The following RNF220 variants were observed in gnomAD, a reference collection of about 807,000 sequenced individuals.
RNF220 encodes ring finger protein 220.
RNF220 carries 7 observed loss-of-function variants against 67.1 expected under a neutral mutation model. The observed-to-expected ratio is 0.10, with a 90% CI of 0.06 to 0.20. The LOEUF (loss-of-function observed/expected upper bound fraction) is 0.20. Among genes scored for constraint, RNF220 ranks in the 10% least tolerant of loss-of-function variants. The pLI, the probability that RNF220 is intolerant of heterozygous loss-of-function variation, is 1.00. For synonymous variants in RNF220, 270 were observed against 283.2 expected (o/e 0.95, Z 0.47); for missense variants, 565 against 740.3 (o/e 0.76, Z 2.75).
chr1:44,636,261 A>G, intron 8 of RNF220, 99 bp downstream of exon 8: 1 of 1,503,022 alleles, frequency 6.7e-7, no homozygotes, highest in Middle Eastern at 1.8e-4. Context: ...GTGGCTGGTC[A>G]TCCATCCGTT....
At chr1:44,522,739 AT>A (rs879653918) in intron 2 of RNF220, among the ~76,000 whole-genome samples, 13 of 152,264 alleles carry the variant, frequency 8.5e-5, no homozygotes, top group Admixed American at 5.2e-4. Context: ...TAGTATACCC[AT>A]TTTGGAAAGT....
intron 2 of RNF220, among the ~76,000 whole-genome samples, chr1:44,570,092 G>A (rs1377883337): frequency 1.1e-4 from 17 of 152,166 alleles, no homozygotes; most frequent in Admixed American, 1.0e-3. Context: ...GAATGGAAGC[G>A]ATGGGTATAT....
intron 2 of RNF220, among the ~76,000 whole-genome samples, chr1:44,595,448 G>T (rs375437089): frequency 2.2e-4 from 33 of 152,356 alleles, no homozygotes; most frequent in African/African-American, 7.2e-4. Flanking sequence ...GGACAGACTA[G>T]GGGAGCAGGT....
At chr1:44,596,064 G>A (rs891743171) in intron 2 of RNF220, among the ~76,000 whole-genome samples, 7 of 152,254 alleles carry the variant, frequency 4.6e-5, no homozygotes, top group South Asian at 2.1e-4. Flanking sequence ...ATGCCTGGCC[G>A]ATGAGCAAAG....
chr1:44,484,594 T>C (rs1656117053), intron 2 of RNF220, among the ~76,000 whole-genome samples: 1 of 152,060 alleles, frequency 6.6e-6, no homozygotes, highest in Non-Finnish European at 1.5e-5. Context: ...GAAAGGAGGC[T>C]GGGCACCAGG....
intron 2 of RNF220, among the ~76,000 whole-genome samples, chr1:44,609,005 T>A (rs1283054716): frequency 6.6e-6 from 1 of 152,198 alleles, no homozygotes; most frequent in Non-Finnish European, 1.5e-5. Flanking sequence ...GATATCATTA[T>A]CCCCATTTCA....
intron 2 of RNF220, among the ~76,000 whole-genome samples, chr1:44,525,359 G>A (rs12124022): frequency 6.6e-6 from 1 of 152,072 alleles, no homozygotes; most frequent in Non-Finnish European, 1.5e-5. Context: ...CGTCCTGCAC[G>A]CCTAGCACAG....
At chr1:44,470,805 A>T (rs1654737962) in intron 2 of RNF220, among the ~76,000 whole-genome samples, 1 of 151,918 alleles carries the variant, frequency 6.6e-6, no homozygotes. Flanking sequence ...CATCCTCCTC[A>T]TTTACTTTCC....
rs369357360 is a variant in RNF220 at position 44,632,402 on chromosome 1, C to G, written c.949+17C>G. The G allele has an allele frequency of 6.8e-6, 11 of 1,607,388 alleles. No homozygotes were observed. In the African/African-American group the frequency reaches 1.2e-4, roughly 18 times the overall value. On this transcript the variant is annotated intron_variant, in intron 6 of 14. Coordinates refer to ENST00000361799, the MANE Select transcript of RNF220 (RefSeq NM_018150.4). The stretch of plus-strand genomic sequence containing the variant: ...GACTGAATGGTGAGTCCTGCCCGGC[C>G]CCTCCCTCCGCCCCACCCCCGGCCT...
chr1:44,428,644 AC>A (rs1231541494), intron 2 of RNF220, among the ~76,000 whole-genome samples: 1 of 151,456 alleles, frequency 6.6e-6, no homozygotes, highest in Non-Finnish European at 1.5e-5. Flanking sequence ...ATGCTCACAA[AC>A]CCCCAAACTG....
At chr1:44,586,021 A>G (rs192696391) in intron 2 of RNF220, among the ~76,000 whole-genome samples, 23 of 152,096 alleles carry the variant, frequency 1.5e-4, no homozygotes, top group Admixed American at 1.4e-3. Context: ...CTCCACCCCC[A>G]TTGCCCTGTG....
At chr1:44,433,232 A>T (rs1650602380) in intron 2 of RNF220, among the ~76,000 whole-genome samples, 1 of 152,134 alleles carries the variant, frequency 6.6e-6, no homozygotes, top group African/African-American at 2.4e-5. Flanking sequence ...GCCTGGCCAA[A>T]TTAGCATTTT....
intron 2 of RNF220, among the ~76,000 whole-genome samples, chr1:44,450,905 C>G (rs1652600426): frequency 6.6e-6 from 1 of 151,900 alleles, no homozygotes; most frequent in Admixed American, 6.6e-5. Flanking sequence ...TGTACTTGGC[C>G]CCACGTGGTG....
chr1:44,459,872 T>C (rs1215857271), intron 2 of RNF220, among the ~76,000 whole-genome samples: 5 of 152,202 alleles, frequency 3.3e-5, no homozygotes, highest in Non-Finnish European at 7.3e-5. Context: ...CAATGCATAC[T>C]TGCTAACTGA....
At chr1:44,628,004 T>C (rs1644007605) in intron 5 of RNF220, among the ~76,000 whole-genome samples, 3 of 152,180 alleles carry the variant, frequency 2.0e-5, no homozygotes, top group Non-Finnish European at 4.4e-5. Context: ...ATCCCTGCTC[T>C]CTCTAAGGGA....
chr1:44,590,674 G>A (rs188086923), intron 2 of RNF220, among the ~76,000 whole-genome samples: 1 of 152,202 alleles, frequency 6.6e-6, no homozygotes, highest in African/African-American at 2.4e-5. Flanking sequence ...AGTGGATGCC[G>A]CTGATACCAG....
chr1:44,606,272 A>G lies in RNF220; in HGVS notation c.626-7893A>G, dbSNP rs1667266930. On this transcript the variant is annotated intron_variant, in intron 2 of 14. Transcript: ENST00000361799. This position sits in a 1 kb window ranked among gnomAD's most constrained non-coding sequence, Gnocchi z 4.2. Reference sequence around the variant, plus strand: ...ATGAAATCCAGATGTTTGGAATCATAGTCTTGGGGCCTCGTTCATATTGAC... The same window carrying G: ...ATGAAATCCAGATGTTTGGAATCATGGTCTTGGGGCCTCGTTCATATTGAC... 6.6e-6 allele frequency among the ~76,000 whole-genome samples: 1 copy of G among 152,250 alleles called. No homozygotes were observed. The highest frequency in any genetic ancestry group is 1.5e-5 in the Non-Finnish European group (1 of 68,046).
rs569452780 is a variant in RNF220, at chr1:44,458,793, G to T, written c.625+46071G>T. The stretch of plus-strand genomic sequence containing the variant: ...GAACAATCACAGTGACTTACACTCA[G>T]CTGGTAAAAGTGGAAGTAGTATATG... On this transcript the variant is annotated intron_variant, in intron 2 of 14. Transcript: ENST00000361799. Among the ~76,000 whole-genome samples the T allele has an allele frequency of 2.0e-5, 3 of 152,348 alleles. 1 individual carries two copies. The South Asian group carries it at 6.2e-4, about 32-fold the overall frequency.
intron 2 of RNF220, among the ~76,000 whole-genome samples, chr1:44,448,373 C>T (rs148373320): frequency 1.7e-3 from 254 of 152,268 alleles, no homozygotes; most frequent in African/African-American, 5.9e-3. Context: ...TGCCTGGGTT[C>T]TCTGGACTCT....
Sources: allele counts gnomAD v4.1 joint callset (sites outside exome capture counted in the v4.1 genomes callset), GRCh38; gene constraint gnomAD v4.1.1; non-coding constraint Gnocchi (gnomAD v3.1); transcripts MANE v1.5; gene names NCBI Gene and HGNC (gene_info 2026-07-23, HGNC 2026-07-21).